ACBD6: variants seen among roughly 807,000 people sequenced by gnomAD.
ACBD6 encodes acyl-CoA binding domain containing 6, also known as acyl-CoA-binding domain-containing protein 6.
Under a neutral mutation model 37.2 loss-of-function variants are expected in ACBD6, and 28 were observed. The observed-to-expected ratio is 0.75, with a 90% CI of 0.56 to 1.03. The LOEUF (loss-of-function observed/expected upper bound fraction) is 1.03. ACBD6 is among the 50% of genes least tolerant of loss of function. The probability of loss-of-function intolerance (pLI) is 0.00; values close to 1 mark genes in which losing one functional copy is unlikely to be tolerated. For synonymous variants in ACBD6, 113 were observed against 126.8 expected (o/e 0.89, Z 0.73); for missense variants, 340 against 337.4 (o/e 1.01, Z -0.06).
chr1:180,288,625 G>A (rs1479801831), intron 7 of ACBD6, 108 bp from the exon 8 acceptor site: 6 of 1,297,174 alleles, frequency 4.6e-6, no homozygotes, highest in Non-Finnish European at 6.5e-6. Context: ...ACTGAACAAT[G>A]AGCAATGTTA....
intron 6 of ACBD6, among the ~76,000 whole-genome samples, chr1:180,343,513 T>C (rs1652057522): frequency 4.6e-5 from 7 of 152,194 alleles, no homozygotes; most frequent in Admixed American, 4.6e-4. Context: ...TTCTAAACTA[T>C]CACCCAATAC....
chr1:180,422,912 A>G (rs754248114), intron 4 of ACBD6, among the ~76,000 whole-genome samples: 1 of 152,198 alleles, frequency 6.6e-6, no homozygotes, highest in Admixed American at 6.5e-5. Context: ...CTGCAGTAGT[A>G]TAGTATGTAC....
chr1:180,436,400 A>G (rs1399478159), intron 3 of ACBD6, among the ~76,000 whole-genome samples: 1 of 152,054 alleles, frequency 6.6e-6, no homozygotes, highest in African/African-American at 2.4e-5. Flanking sequence ...ACCTGTTCCC[A>G]CCCCAGTTCA....
At chr1:180,394,259 A>T (rs983879782) in intron 6 of ACBD6, among the ~76,000 whole-genome samples, 6 of 147,896 alleles carry the variant, frequency 4.1e-5, no homozygotes, top group Admixed American at 6.7e-5. Context: ...ACATCTAATT[A>T]AAAAAAAATG....
At chr1:180,289,246 C>G (rs936737702) in intron 7 of ACBD6, among the ~76,000 whole-genome samples, 1 of 152,068 alleles carries the variant, frequency 6.6e-6, no homozygotes, top group Non-Finnish European at 1.5e-5. Flanking sequence ...GCTGGCAGAT[C>G]AGTGGGGAAA....
rs180967317 is a variant in ACBD6 at position 180,417,597 on chromosome 1, G to T, written c.468-4126C>A. Among the ~76,000 whole-genome samples, 317 of 152,298 alleles carry T rather than the reference G, an allele frequency of 2.1e-3. 2 individuals carry two copies. The highest frequency in any genetic ancestry group is 7.0e-3 in the African/African-American group (289 of 41,558). On this transcript the variant is annotated intron_variant, in intron 4 of 7. Coordinates refer to ENST00000367595, the MANE Select transcript of ACBD6 (RefSeq NM_032360.4). ...GACCCAGCACTTCAATCACTACAAAGACATAGTCCCTTTGGTAAGCAAACA... is the reference window on the plus strand; with the variant it reads ...GACCCAGCACTTCAATCACTACAAATACATAGTCCCTTTGGTAAGCAAACA...
At chr1:180,441,078 T>C (rs1425619934) in intron 3 of ACBD6, among the ~76,000 whole-genome samples, 3 of 152,182 alleles carry the variant, frequency 2.0e-5, no homozygotes, top group African/African-American at 7.2e-5. Context: ...CCCAAAAGAA[T>C]TGGTAATTCT....
At chr1:180,496,919 G>C (rs1201101265) in intron 1 of ACBD6, among the ~76,000 whole-genome samples, 1 of 151,480 alleles carries the variant, frequency 6.6e-6, no homozygotes, top group Non-Finnish European at 1.5e-5. Context: ...TAAATGAAGA[G>C]AGAAGCTCAG....
At chr1:180,347,360 GT>G (rs775301259) in intron 6 of ACBD6, among the ~76,000 whole-genome samples, 25 of 49,092 alleles carry the variant, frequency 5.1e-4, no homozygotes, top group Non-Finnish European at 1.1e-3. Flanking sequence ...TCAACAGAAA[GT>G]TTTTTTTTTT....
At chr1:180,297,639 G>A (rs183449059) in intron 7 of ACBD6, among the ~76,000 whole-genome samples, 2 of 152,316 alleles carry the variant, frequency 1.3e-5, no homozygotes, top group Admixed American at 1.3e-4. Flanking sequence ...AGACAGGGAG[G>A]AAGAGACGGT....
Position 180,483,446 on chromosome 1 carries a change from T to C in ACBD6, c.384+8823A>G, listed in dbSNP as rs149975950. 5.1e-3 allele frequency among the ~76,000 whole-genome samples: 776 copies of C among 152,278 alleles called. 5 individuals are homozygous for C. The highest frequency in any genetic ancestry group is 0.018 in the African/African-American group (735 of 41,556). On this transcript the variant is annotated intron_variant, in intron 3 of 7. Coordinates refer to ENST00000367595, the MANE Select transcript of ACBD6 (RefSeq NM_032360.4). ...TTTACTATAATATTTACTTTATTAC[T>C]TATCTCTGTCCGACTGTAAGCTTCC... is the stretch of plus-strand genomic sequence containing the variant.
chr1:180,488,251 T>C (rs1374051545), intron 3 of ACBD6, among the ~76,000 whole-genome samples: 2 of 152,026 alleles, frequency 1.3e-5, no homozygotes, highest in Non-Finnish European at 1.5e-5. Context: ...AAAAAAAAAC[T>C]TATCCTCCCC....
chr1:180,501,910 AAAAAAAAAC>A, intron 1 of ACBD6, 126 bp downstream of exon 1: 1 of 866,714 alleles, frequency 1.2e-6, no homozygotes. Context: ...ATGGTCAAAA[AAAAAAAAAC>A]AAAACAAAAT....
chr1:180,463,286 G>T (rs996772171), intron 3 of ACBD6, among the ~76,000 whole-genome samples: 4 of 151,878 alleles, frequency 2.6e-5, no homozygotes, highest in Non-Finnish European at 5.9e-5. Flanking sequence ...CCAGAAGCTG[G>T]TTTTTTGAAA....
chr1:180,426,798 A>C (rs1169001905), intron 4 of ACBD6, among the ~76,000 whole-genome samples: 1 of 152,240 alleles, frequency 6.6e-6, no homozygotes, highest in African/African-American at 2.4e-5. Context: ...ATAATCTGCT[A>C]AGTATCAAGT....
intron 9 of ACBD6, chr1:180,278,856 C>T (rs916140905): frequency 3.3e-4 from 50 of 152,186 alleles, no homozygotes; most frequent in African/African-American, 1.1e-3. Flanking sequence ...AAAGACCCAC[C>T]CATCCTTATT....
At chr1:180,382,746 C>G (rs904149560) in intron 6 of ACBD6, among the ~76,000 whole-genome samples, 9 of 151,882 alleles carry the variant, frequency 5.9e-5, no homozygotes, top group African/African-American at 2.2e-4. Context: ...GATAAGGGCT[C>G]AACAAAAAAA....
downstream of ACBD6, among the ~76,000 whole-genome samples, chr1:180,286,644 G>A (rs1001750139): frequency 2.0e-5 from 3 of 152,158 alleles, no homozygotes; most frequent in Non-Finnish European, 2.9e-5. Context: ...AACAGACAGT[G>A]AAGAGAATGC....
intron 7 of ACBD6, among the ~76,000 whole-genome samples, chr1:180,289,113 T>C (rs540193222): frequency 6.8e-6 from 1 of 146,900 alleles, no homozygotes; most frequent in South Asian, 2.1e-4. Context: ...AAAAAGGGCG[T>C]AGAGATATCA....
Sources: allele counts gnomAD v4.1 joint callset (sites outside exome capture counted in the v4.1 genomes callset), GRCh38; gene constraint gnomAD v4.1.1; transcripts MANE v1.5; gene names NCBI Gene and HGNC (gene_info 2026-07-23, HGNC 2026-07-21).